Variants in SQSTM1 observed in about 807,000 individuals in gnomAD.
SQSTM1 encodes sequestosome-1.
Under a neutral mutation model 45.1 loss-of-function variants are expected in SQSTM1, and 36 were observed. The observed-to-expected ratio is 0.80, with a 90% CI of 0.61 to 1.05. The LOEUF is 1.05. SQSTM1 is among the 50% of genes least tolerant of loss of function. SQSTM1 has a pLI of 0.00. For synonymous variants in SQSTM1, 290 were observed against 244.3 expected, an observed-to-expected ratio of 1.19 and a Z score of -1.74; for missense variants, 617 against 607.1, an observed-to-expected ratio of 1.02 and a Z score of -0.17.
intron 1 of SQSTM1, among the ~76,000 whole-genome samples, chr5:179,808,592 C>A (rs1009531270): frequency 6.6e-6 from 1 of 151,332 alleles, no homozygotes; most frequent in Non-Finnish European, 1.5e-5. Context: ...CCGAGGCAGG[C>A]GAATCACGAG....
intron 7 of SQSTM1, chr5:179,835,805 C>T (rs965617912): frequency 1.2e-5 from 2 of 164,138 alleles, no homozygotes; most frequent in African/African-American, 4.8e-5. Context: ...GGATAATGGC[C>T]TCCAGCTCCG....
chr5:179,820,753 A>T (rs1757740952), upstream of SQSTM1: 12 of 505,648 alleles, frequency 2.4e-5, 1 homozygote, highest in South Asian at 3.8e-4. Flanking sequence ...GGTAGCGGGG[A>T]AGGGGAGAGT....
rs749217241 is a variant in SQSTM1 at position 179,836,458 on chromosome 5, G to A, written c.1188G>A (p.Glu396=). The A allele has an allele frequency of 1.4e-5, 22 of 1,614,082 alleles. No homozygotes were observed. The highest frequency in any genetic ancestry group is 2.2e-5 in the South Asian group (2 of 91,090). The change falls in exon 8 of 8, where the codon GAG becomes GAA. Residue 396 remains glutamate, a synonymous_variant. Coordinates refer to ENST00000389805, the MANE Select transcript of SQSTM1 (RefSeq NM_003900.5). ...LPPEADPRLI[E]SLSQMLSMGF... ...CAGAGGCTGACCCGCGGCTGATTGA[G>A]TCCCTCTCCCAGATGCTGTCCATGG...
At position 179,836,749 on chromosome 5, in the gene SQSTM1, G is replaced by A. The variant is rs964933084; in HGVS notation, c.*156G>A. On this transcript the variant is annotated 3_prime_UTR_variant, in exon 8 of 8. Transcript: ENST00000389805. ...AGCCATTTAGGGCAGCAAAACAAGT[G>A]ACATGAAGGGAGGGTCCCTGTGTGT... is the stretch of plus-strand genomic sequence containing the variant. 4 of 1,101,270 alleles carry A rather than the reference G, an allele frequency of 3.6e-6. No homozygotes were observed. In the African/African-American group the frequency reaches 4.6e-5, roughly 13 times the overall value. The allele number at this position is 1,101,270 out of a possible 1,614,324, so 68.2% of individuals were successfully genotyped here.
intron 5 of SQSTM1, among the ~76,000 whole-genome samples, chr5:179,831,857 C>T (rs1247253032): frequency 6.6e-6 from 1 of 151,056 alleles, no homozygotes; most frequent in African/African-American, 2.4e-5. Flanking sequence ...CAACTTGGCT[C>T]ACTGCAACCT....
At chr5:179,829,509 T>A (rs2113501365) in intron 5 of SQSTM1, among the ~76,000 whole-genome samples, 1 of 151,994 alleles carries the variant, frequency 6.6e-6, no homozygotes, top group South Asian at 2.1e-4. Context: ...ATGTCCTCAG[T>A]GAGATACAAA....
At chr5:179,832,343 C>T (rs926315173) in intron 5 of SQSTM1, among the ~76,000 whole-genome samples, 6 of 152,208 alleles carry the variant, frequency 3.9e-5, no homozygotes, top group Admixed American at 3.9e-4. Flanking sequence ...GCAGGTGATT[C>T]TCCCCTCTGT....
At position 179,836,905 on chromosome 5, in the gene SQSTM1, G is replaced by A; in HGVS notation, c.*312G>A. 1.6e-6 allele frequency: 1 copy of A among 608,118 alleles called. No homozygotes were observed. The highest frequency in any genetic ancestry group is 2.0e-5 in the South Asian group (1 of 49,660). The allele number at this position is 608,118 out of a possible 1,614,324, so 37.7% of individuals were successfully genotyped here. On this transcript the variant is annotated 3_prime_UTR_variant, in exon 8 of 8. Transcript: ENST00000389805. ...ACGTTAGCAGCCCAGCACATAGCTTGCCTAATGGCTTTCACTTTCTCTTTT... is the reference window on the plus strand; with the variant it reads ...ACGTTAGCAGCCCAGCACATAGCTTACCTAATGGCTTTCACTTTCTCTTTT...
intron 5 of SQSTM1, among the ~76,000 whole-genome samples, chr5:179,830,616 C>CGGCGTGATCTCAGCTCACTGCAGT (rs1561603005): frequency 6.6e-6 from 1 of 151,546 alleles, no homozygotes; most frequent in Non-Finnish European, 1.5e-5. Flanking sequence ...TGGAGTGCAG[C>CGGCGTGATCTCAGCTCACTGCAGT]GGCGTGATCT....
In SQSTM1 at chr5:179,823,762, C is replaced by T. The variant is rs113087413; in HGVS notation, c.302-96C>T. On this transcript the variant is annotated intron_variant, in intron 2 of 7. Transcript: ENST00000389805. ...TGGATTCCATGCTGGAGAGCAGGGC[C>T]GGGGGCCTTGCTGGCAGTGACAGCC... The T allele has an allele frequency of 4.1e-3, 5,551 of 1,362,974 alleles. 14 individuals are homozygous for T. The highest frequency in any genetic ancestry group is 0.02 in the African/African-American group (1,432 of 70,370). 84.4% of individuals were successfully genotyped at this position (1,362,974 alleles called of 1,614,324 possible).
At chr5:179,833,492 G>A in intron 6 of SQSTM1, 95 bp from the exon 7 acceptor site, 3 of 1,345,250 alleles carry the variant, frequency 2.2e-6, no homozygotes, top group Non-Finnish European at 2.1e-6. Context: ...ACGTGTGCAT[G>A]CGTGCTCCCC....
In SQSTM1 at chr5:179,837,370, T is replaced by G; in HGVS notation, c.*777T>G. 2 of 1,581,650 alleles carry G rather than the reference T, an allele frequency of 1.3e-6. No individual in the cohort carries two copies. The highest frequency in any genetic ancestry group is 1.7e-6 in the Non-Finnish European group (2 of 1,162,876). Reference sequence around the variant, plus strand: ...TCCCTCCTAACAAGTGTATCTCGATTAATAACCTGCCAGTCCCAGATCACA... The same window carrying G: ...TCCCTCCTAACAAGTGTATCTCGATGAATAACCTGCCAGTCCCAGATCACA... On this transcript the variant is annotated 3_prime_UTR_variant, in exon 8 of 8. Transcript: ENST00000389805.
rs1757389087 is a variant in SQSTM1, at chr5:179,811,309, CTGCAGGGGGGAGGAGCTT to C, written c.-156-255_-156-238del. Among the ~76,000 whole-genome samples, 4 of 142,904 alleles carry C rather than the reference CTGCAGGGGGGAGGAGCTT, an allele frequency of 2.8e-5. No homozygotes were observed. The South Asian group carries it at 9.2e-4, about 33-fold the overall frequency. 93.8% of individuals were successfully genotyped at this position (142,904 alleles called of 152,430 possible). A position where few individuals can be genotyped will look rare whatever the true frequency, so the allele number is the denominator to read the frequency against. On this transcript the variant is annotated intron_variant, in intron 1 of 5. Coordinates refer to the SQSTM1 transcript ENST00000514093. Reference sequence around the variant, plus strand: ...AGAACTGGGTAGAGCCACAGAAGCTCTGCAGGGGGGAGGAGCTTTGCAGGGGGAGGAGCTATGCAGGGG... The same window carrying C: ...AGAACTGGGTAGAGCCACAGAAGCTCTGCAGGGGGAGGAGCTATGCAGGGG...
intron 5 of SQSTM1, among the ~76,000 whole-genome samples, chr5:179,827,036 C>T (rs1246946279): frequency 6.6e-6 from 1 of 152,172 alleles, no homozygotes; most frequent in Non-Finnish European, 1.5e-5. Flanking sequence ...AACAAGAGTC[C>T]TTCACTCAAA....
chr5:179,810,234 CA>C, intron 1 of SQSTM1, among the ~76,000 whole-genome samples: 1 of 152,092 alleles, frequency 6.6e-6, no homozygotes, highest in African/African-American at 2.4e-5. Flanking sequence ...TCATCATTTA[CA>C]TTAGATATAT....
intron 6 of SQSTM1, 147 bp from the exon 7 acceptor site, chr5:179,833,426 TACTTGGTCTTTGTG>T: frequency 1.0e-6 from 1 of 976,548 alleles, no homozygotes; most frequent in Non-Finnish European, 1.6e-6. Flanking sequence ...ACTTTGTAGT[TACTTGGTCTTTGTG>T]AGTGGCCACT....
intron 1 of SQSTM1, among the ~76,000 whole-genome samples, chr5:179,808,742 C>A (rs1364037556): frequency 6.6e-6 from 1 of 152,144 alleles, no homozygotes; most frequent in Non-Finnish European, 1.5e-5. Flanking sequence ...CATTTGAGCT[C>A]ATCAGTTCAA....
rs1325055033 is a variant in SQSTM1, at chr5:179,806,696, C to G, written c.-157+105C>G. 1 of 130,498 alleles carries G rather than the reference C, an allele frequency of 7.7e-6. No homozygotes were observed. Among genetic ancestry groups the G allele is most frequent in the Non-Finnish European group, 1.4e-5 (1 of 69,438 alleles). 8.1% of individuals were successfully genotyped at this position (130,498 alleles called of 1,614,324 possible). On this transcript the variant is annotated intron_variant, in intron 1 of 5. Transcript: ENST00000514093. This position sits in a 1 kb window ranked among gnomAD's most constrained non-coding sequence, Gnocchi z 4.6. ...GCGGCGGCGGCAGGGGCCCCGGCCC[C>G]GGGTCGGGGAGGGGCGGGGGGCCCG...
intron 2 of SQSTM1, chr5:179,812,897 G>A (rs1331405416): frequency 6.6e-6 from 1 of 151,798 alleles, no homozygotes; most frequent in Non-Finnish European, 1.5e-5. Context: ...AGCTAGTCTA[G>A]GAAAAGAGCA....
Sources: allele counts gnomAD v4.1 joint callset (sites outside exome capture counted in the v4.1 genomes callset), GRCh38; gene constraint gnomAD v4.1.1; non-coding constraint Gnocchi (gnomAD v3.1); transcripts MANE v1.5; gene names NCBI Gene and HGNC (gene_info 2026-07-23, HGNC 2026-07-21).